Variants in BBX observed in about 807,000 individuals in gnomAD.
BBX encodes the protein HMG box transcription factor BBX.
In BBX, 30 loss-of-function variants were observed where a neutral mutation model predicts 100.2. The observed-to-expected ratio is 0.30, with a 90% CI of 0.22 to 0.41. The LOEUF is 0.41. BBX is among the 10% of genes least tolerant of loss of function. The probability of loss-of-function intolerance (pLI) is 1.00; values close to 1 mark genes in which losing one functional copy is unlikely to be tolerated. For missense variants in BBX, 1,023 were observed against 1,129.8 expected (o/e 0.91, Z 1.35); for synonymous variants, 376 against 388.1 (o/e 0.97, Z 0.37).
Position 107,726,093 on chromosome 3 carries a change from G to T in BBX, c.406-2672G>T, listed in dbSNP as rs1225673415. 2.6e-5 allele frequency among the ~76,000 whole-genome samples: 4 copies of T among 152,012 alleles called. No individual in the cohort carries two copies. In the East Asian group the frequency reaches 7.8e-4, roughly 30 times the overall value. ...GGGATTTTGCCTACATGATTGAACG[G>T]CATGCTAATAAGTTCACTCAGCTGT... On this transcript the variant is annotated intron_variant, in intron 5 of 17. Transcript: ENST00000325805.
intron 14 of BBX, 147 bp downstream of exon 14, chr3:107,790,023 T>C: frequency 3.6e-6 from 2 of 558,754 alleles, no homozygotes; most frequent in Non-Finnish European, 6.4e-6. Context: ...GTGTTCTCAT[T>C]CTTTCCGGAC....
At chr3:107,560,973 T>G (rs535926900) in intron 2 of BBX, among the ~76,000 whole-genome samples, 4 of 152,332 alleles carry the variant, frequency 2.6e-5, no homozygotes, top group Non-Finnish European at 4.4e-5. Flanking sequence ...TCCTTTGTTG[T>G]GGAAGGCTGT....
At chr3:107,796,092 A>G (rs1159878708) in intron 15 of BBX, among the ~76,000 whole-genome samples, 1 of 152,198 alleles carries the variant, frequency 6.6e-6, no homozygotes, top group African/African-American at 2.4e-5. Context: ...AAGCTAATAC[A>G]GTCCAACCTC....
At chr3:107,615,638 A>C (rs1051771043) in intron 2 of BBX, among the ~76,000 whole-genome samples, 1 of 152,198 alleles carries the variant, frequency 6.6e-6, no homozygotes, top group African/African-American at 2.4e-5. Context: ...GAAGGAACAC[A>C]TTCAGACCAT....
intron 2 of BBX, among the ~76,000 whole-genome samples, chr3:107,528,867 TAGTC>T (rs1291208229): frequency 2.6e-5 from 4 of 152,198 alleles, no homozygotes; most frequent in Non-Finnish European, 4.4e-5. Context: ...TACTAGTCAA[TAGTC>T]AGCCTACTAA....
chr3:107,597,025 T>G (rs1281508176), intron 2 of BBX, among the ~76,000 whole-genome samples: 1 of 152,204 alleles, frequency 6.6e-6, no homozygotes, highest in Non-Finnish European at 1.5e-5. Context: ...TGGATTACTT[T>G]ATTGACATTT....
At chr3:107,567,396 T>G (rs1559820382) in intron 2 of BBX, among the ~76,000 whole-genome samples, 1 of 152,142 alleles carries the variant, frequency 6.6e-6, no homozygotes, top group Non-Finnish European at 1.5e-5. Flanking sequence ...GGTTTTGTCT[T>G]TTTTTCTTTA....
At chr3:107,655,800 G>A (rs551169779) in intron 3 of BBX, among the ~76,000 whole-genome samples, 58 of 150,820 alleles carry the variant, frequency 3.8e-4, no homozygotes, top group Non-Finnish European at 6.2e-4. Context: ...TCCCGGATTC[G>A]CGCCATTCTC....
At chr3:107,672,926 T>C (rs1294676810) in intron 3 of BBX, among the ~76,000 whole-genome samples, 1 of 152,078 alleles carries the variant, frequency 6.6e-6, no homozygotes, top group Non-Finnish European at 1.5e-5. Flanking sequence ...TAAATGAAAA[T>C]GAAAAATTAA....
intron 3 of BBX, chr3:107,662,642 G>T (rs1022177934): frequency 1.0e-5 from 1 of 100,452 alleles, no homozygotes; most frequent in African/African-American, 3.9e-5. Context: ...AACAAGTCTG[G>T]GTTTTTTTTT....
In BBX at chr3:107,650,124, A is replaced by C. The variant is rs891565463; in HGVS notation, c.-10+4215A>C. ...CTGTTCCCAGTGTGAAGGTTTAATTAATTTAGACTCCTTAAAGCAGGGGTC... is the reference window on the plus strand; with the variant it reads ...CTGTTCCCAGTGTGAAGGTTTAATTCATTTAGACTCCTTAAAGCAGGGGTC... On this transcript the variant is annotated intron_variant, in intron 3 of 17. Transcript: ENST00000325805. Among the ~76,000 whole-genome samples the C allele has an allele frequency of 5.3e-5, 8 of 152,122 alleles. No individual in the cohort carries two copies. In the South Asian group the frequency reaches 1.2e-3, roughly 24 times the overall value.
chr3:107,706,018 G>A (rs2107254039), intron 3 of BBX, among the ~76,000 whole-genome samples: 1 of 137,640 alleles, frequency 7.3e-6, no homozygotes, highest in Non-Finnish European at 1.5e-5. Flanking sequence ...GAATGAGCTT[G>A]CTACTTTTTT....
intron 16 of BBX, among the ~76,000 whole-genome samples, chr3:107,800,013 G>T (rs1034530558): frequency 2.6e-5 from 4 of 152,148 alleles, no homozygotes; most frequent in African/African-American, 9.7e-5. Flanking sequence ...GGAACTGTTT[G>T]CTTAGTTAGA....
chr3:107,554,843 C>T (rs1392397391), intron 2 of BBX, among the ~76,000 whole-genome samples: 2 of 152,006 alleles, frequency 1.3e-5, no homozygotes, highest in Non-Finnish European at 2.9e-5. Context: ...CTGAGGCGGG[C>T]AGATCACTTG....
At chr3:107,637,611 C>T (rs944801919) in intron 2 of BBX, among the ~76,000 whole-genome samples, 3 of 152,146 alleles carry the variant, frequency 2.0e-5, no homozygotes, top group African/African-American at 7.2e-5. Context: ...TTATCTGCCT[C>T]CAACATTCTG....
At chr3:107,678,285 CT>C (rs2059388961) in intron 3 of BBX, among the ~76,000 whole-genome samples, 1 of 151,926 alleles carries the variant, frequency 6.6e-6, no homozygotes. Context: ...AGAGATATTT[CT>C]TTACCTAAGG....
At chr3:107,677,884 A>G (rs879882644) in intron 3 of BBX, among the ~76,000 whole-genome samples, 2 of 152,174 alleles carry the variant, frequency 1.3e-5, no homozygotes, top group Non-Finnish European at 2.9e-5. Context: ...AACTATAAGT[A>G]TACCCCAACG....
chr3:107,639,350 A>G (rs1399711363), intron 2 of BBX, among the ~76,000 whole-genome samples: 3 of 152,252 alleles, frequency 2.0e-5, no homozygotes, highest in East Asian at 1.9e-4. Flanking sequence ...ATGCCTAAAC[A>G]GTGTAGGTCA....
At chr3:107,645,153 A>G (rs1003819772) in intron 2 of BBX, among the ~76,000 whole-genome samples, 1 of 152,202 alleles carries the variant, frequency 6.6e-6, no homozygotes, top group Non-Finnish European at 1.5e-5. Flanking sequence ...AAAGAAACAT[A>G]AATGATAACT....
Sources: allele counts gnomAD v4.1 joint callset (sites outside exome capture counted in the v4.1 genomes callset), GRCh38; gene constraint gnomAD v4.1.1; transcripts MANE v1.5; gene names NCBI Gene and HGNC (gene_info 2026-07-23, HGNC 2026-07-21).